Variants in SNW1 observed in about 807,000 individuals in gnomAD.
SNW1 encodes the protein SNW domain containing 1.
In SNW1, 9 loss-of-function variants were observed where a neutral mutation model predicts 75.6. That is an observed-to-expected ratio of 0.12 (90% CI 0.07 to 0.21). The LOEUF (loss-of-function observed/expected upper bound fraction) is 0.21, where lower values mean the gene tolerates loss of function less well. Among genes scored for constraint, SNW1 ranks in the 10% least tolerant of loss-of-function variants. The pLI is 1.00. For missense variants in SNW1, 409 were observed against 670.9 expected, an observed-to-expected ratio of 0.61 and a Z score of 4.31; for synonymous variants, 200 against 219.1, an observed-to-expected ratio of 0.91 and a Z score of 0.77.
intron 6 of SNW1, 33 bp from the exon 7 acceptor site, chr14:77,736,039 T>G: frequency 6.6e-7 from 1 of 1,507,924 alleles, no homozygotes; most frequent in Non-Finnish European, 9.2e-7. Context: ...GAGAGTGATA[T>G]AGTTTCCTCC....
chr14:77,756,141 G>A (rs1555388982), intron 1 of SNW1, among the ~76,000 whole-genome samples: 1 of 150,326 alleles, frequency 6.7e-6, no homozygotes, highest in Non-Finnish European at 1.5e-5. Flanking sequence ...TTTTTTTTGA[G>A]ACAGAGTCTC....
chr14:77,721,277 G>C (rs560312379), intron 11 of SNW1, among the ~76,000 whole-genome samples: 12 of 152,276 alleles, frequency 7.9e-5, no homozygotes, highest in African/African-American at 2.9e-4. Flanking sequence ...CTAGAATTTT[G>C]AGGAAAACAT....
At chr14:77,753,176 T>G (rs2080820906) in intron 2 of SNW1, among the ~76,000 whole-genome samples, 1 of 152,256 alleles carries the variant, frequency 6.6e-6, no homozygotes. Flanking sequence ...AACTTGATTT[T>G]CAAATAAGTT....
Position 77,739,205 on chromosome 14 carries a change from G to A in SNW1, c.331-144C>T, listed in dbSNP as rs577543938. ...TTTCTCTTTTAGATTTTAAAACCAAGGAAGCTTAAAATATATAAACAAATT... is the reference window on the plus strand; with the variant it reads ...TTTCTCTTTTAGATTTTAAAACCAAAGAAGCTTAAAATATATAAACAAATT... On this transcript the variant is annotated intron_variant, in intron 3 of 13. Transcript: ENST00000261531. 6.1e-6 allele frequency: 4 copies of A among 660,554 alleles called. No homozygotes were observed. In the South Asian group the frequency reaches 7.3e-5, roughly 12 times the overall value. 40.9% of individuals were successfully genotyped at this position (660,554 alleles called of 1,614,324 possible). A position where few individuals can be genotyped will look rare whatever the true frequency, so the allele number is the denominator to read the frequency against.
intron 3 of SNW1, among the ~76,000 whole-genome samples, chr14:77,750,377 T>A (rs2080797907): frequency 6.6e-6 from 1 of 152,042 alleles, no homozygotes; most frequent in South Asian, 2.1e-4. Context: ...CTGCTAAGGA[T>A]GAGATGGGAT....
intron 9 of SNW1, among the ~76,000 whole-genome samples, chr14:77,731,534 C>T (rs1215086345): frequency 1.3e-5 from 2 of 152,132 alleles, no homozygotes; most frequent in Non-Finnish European, 2.9e-5. Context: ...ATAGTGAGAT[C>T]CATCTCAAAA....
chr14:77,752,467 C>T (rs2080816288), intron 2 of SNW1, among the ~76,000 whole-genome samples: 1 of 152,116 alleles, frequency 6.6e-6, no homozygotes, highest in South Asian at 2.1e-4. Flanking sequence ...TTGCTTAGTA[C>T]ACTTTAAACA....
intron 8 of SNW1, among the ~76,000 whole-genome samples, chr14:77,734,694 T>C (rs1040111331): frequency 6.6e-6 from 1 of 151,724 alleles, no homozygotes; most frequent in Admixed American, 6.6e-5. Flanking sequence ...GCTGAGATCA[T>C]GCCACCGTAC....
At position 77,730,597 on chromosome 14, in the gene SNW1, T is replaced by C. The variant is rs76081776; in HGVS notation, c.1033+391A>G. 3.6e-3 allele frequency among the ~76,000 whole-genome samples: 542 copies of C among 152,306 alleles called. 4 individuals carry two copies. Among genetic ancestry groups the C allele is most frequent in the Middle Eastern group, 0.02 (6 of 294 alleles). ...GGCAGATTTAATGATGAGAAATGCATTGGAGCCTACAAGATAGAAAAACTC... is the reference window on the plus strand; with the variant it reads ...GGCAGATTTAATGATGAGAAATGCACTGGAGCCTACAAGATAGAAAAACTC... On this transcript the variant is annotated intron_variant, in intron 10 of 13. Coordinates refer to ENST00000261531, the MANE Select transcript of SNW1 (RefSeq NM_012245.3).
At chr14:77,755,744 C>CTT (rs61404145) in intron 1 of SNW1, among the ~76,000 whole-genome samples, 17 of 144,194 alleles carry the variant, frequency 1.2e-4, no homozygotes, top group African/African-American at 4.1e-4. Context: ...TATTTCTTTC[C>CTT]TTTTTTTTTT....
chr14:77,721,833 C>G lies in SNW1; in HGVS notation c.1131-1005G>C, dbSNP rs184944184. Reference sequence around the variant, plus strand: ...CACGATCTTGGCTCCCTGAAACCTCCGCCTCCAGGGTTCAAGTGATTCTCC... The same window carrying G: ...CACGATCTTGGCTCCCTGAAACCTCGGCCTCCAGGGTTCAAGTGATTCTCC... On this transcript the variant is annotated intron_variant, in intron 11 of 13. Transcript: ENST00000261531. Among the ~76,000 whole-genome samples, 316 of 152,242 alleles carry G rather than the reference C, an allele frequency of 2.1e-3. 1 individual carries two copies. Among genetic ancestry groups the G allele is most frequent in the Non-Finnish European group, 3.8e-3 (257 of 68,026 alleles).
Position 77,751,335 on chromosome 14 carries a change from C to G in SNW1, c.314G>C (p.Gly105Ala). Residue 105 changes from glycine (G) to alanine (A), a missense_variant, in exon 3 of 14, where the codon GGA becomes GCA. Physicochemically the swap from Gly to Ala is moderately conservative, Grantham distance 60 (BLOSUM62 0). Around this residue, in one of 9 missense-constraint regions of SNW1, gnomAD observed 60 missense variants for 62.6 expected, o/e 0.96. Coordinates refer to ENST00000261531, the MANE Select transcript of SNW1 (RefSeq NM_012245.3). Reference protein sequence around the residue: ...KIKYDAIARQGQSKDKVIYSK... With the variant: ...KIKYDAIARQAQSKDKVIYSK... Reference sequence around the variant, plus strand: ...GAGGATTACCTTGTCTTTTGACTGTCCTTGTCGAGCAATTGCATCATATTT... The same window carrying G: ...GAGGATTACCTTGTCTTTTGACTGTGCTTGTCGAGCAATTGCATCATATTT... 6.2e-7 allele frequency: 1 copy of G among 1,612,698 alleles called. No individual in the cohort carries two copies. Among genetic ancestry groups the G allele is most frequent in the African/African-American group, 1.3e-5 (1 of 74,974 alleles).
chr14:77,726,280 T>C (rs61993672), intron 10 of SNW1, among the ~76,000 whole-genome samples: 15,499 of 152,204 alleles, frequency 0.1, 931 homozygotes, highest in African/African-American at 0.15. Context: ...GGGCTATCTT[T>C]CCATTTTTAG....
intron 10 of SNW1, among the ~76,000 whole-genome samples, chr14:77,726,134 T>C (rs909214603): frequency 1.4e-4 from 21 of 152,202 alleles, no homozygotes; most frequent in African/African-American, 5.1e-4. Context: ...TGTGGTTCCA[T>C]ACAAATTTTA....
Position 77,718,054 on chromosome 14 carries a change from G to A in SNW1, c.*34C>T, listed in dbSNP as rs771484864. 20 of 1,519,182 alleles carry A rather than the reference G, an allele frequency of 1.3e-5. No individual in the cohort carries two copies. Among genetic ancestry groups the A allele is most frequent in the Non-Finnish European group, 1.8e-5 (20 of 1,131,922 alleles). The allele number at this position is 1,519,182 out of a possible 1,614,324, so 94.1% of individuals were successfully genotyped here. On this transcript the variant is annotated 3_prime_UTR_variant, in exon 14 of 14. Transcript: ENST00000261531. ...TATGACTTGCATCATTAGGGTTATG[G>A]GTAAGAGTTCATTCACTTTGGAGAG...
intron 10 of SNW1, among the ~76,000 whole-genome samples, chr14:77,727,894 A>G (rs2080597866): frequency 6.6e-6 from 1 of 152,136 alleles, no homozygotes; most frequent in South Asian, 2.1e-4. Context: ...CAGTATACTA[A>G]TGACCTTGTA....
chr14:77,744,446 C>CAAAAAAAAAAAAAAAAAAAAAAAAAAAA (rs11335115), intron 3 of SNW1, among the ~76,000 whole-genome samples: 11 of 82,964 alleles, frequency 1.3e-4, no homozygotes, highest in South Asian at 4.3e-4. Context: ...GTCTCCATCT[C>CAAAAAAAAAAAAAAAAAAAAAAAAAAAA]AAAAAAAAAA....
chr14:77,736,315 A>C (rs903718017), intron 6 of SNW1, among the ~76,000 whole-genome samples: 18 of 152,200 alleles, frequency 1.2e-4, no homozygotes, highest in African/African-American at 3.6e-4. Context: ...TGGGAGGCCA[A>C]GGTGGGCAGA....
intron 10 of SNW1, 197 bp downstream of exon 10, chr14:77,730,791 G>A (rs1324463646): frequency 1.8e-6 from 1 of 562,426 alleles, no homozygotes; most frequent in East Asian, 3.1e-5. Flanking sequence ...GTCCCAAACT[G>A]AAGACCCACT....
Sources: gnomAD v4.1 joint callset for allele counts (sites outside exome capture counted in the v4.1 genomes callset) on GRCh38, gnomAD v4.1.1 for gene constraint, gnomAD v4.1.1 regional missense constraint, MANE v1.5 for transcripts, NCBI Gene and HGNC (gene_info 2026-07-23, HGNC 2026-07-21) for gene names.